The following B4GALT1 variants were observed in gnomAD, a reference collection of about 807,000 sequenced individuals.
B4GALT1 encodes the protein beta-1,4-galactosyltransferase 1, also known as N-acetyllactosamine synthase.
A neutral mutation model predicts 34.9 loss-of-function variants in B4GALT1; 16 were observed. The ratio of observed to expected loss-of-function variants is 0.46; its 90% confidence interval spans 0.31 to 0.70. B4GALT1 has a LOEUF of 0.70. B4GALT1 is among the 30% of genes least tolerant of loss of function. The pLI, the probability that B4GALT1 is intolerant of heterozygous loss-of-function variation, is 0.05. For synonymous variants in B4GALT1, 221 were observed against 218.1 expected (o/e 1.01, Z -0.12); for missense variants, 445 against 530.5 (o/e 0.84, Z 1.58).
At chr9:33,181,157 C>T in the B4GALT1 span, among the ~76,000 whole-genome samples, 5 of 152,152 alleles carry the variant, frequency 3.3e-5, no homozygotes, top group South Asian at 2.1e-4. Context: ...CAATGGCTCA[C>T]GCCTGTAATC....
intron 2 of B4GALT1, 132 bp from the exon 3 acceptor site, chr9:33,120,738 C>G (rs1371180489): frequency 5.8e-6 from 5 of 868,434 alleles, no homozygotes; most frequent in Non-Finnish European, 9.3e-6. Context: ...TGCCGTCACT[C>G]TACAATCAAC....
exon 3 of B4GALT1, chr9:33,104,511 C>T (rs967089196): frequency 3.3e-6 from 1 of 301,344 alleles, no homozygotes; most frequent in African/African-American, 2.2e-5. Context: ...TGCCACAGCC[C>T]AGACTCCTTA....
chr9:33,110,160 C>A (rs1162241856), downstream of B4GALT1, among the ~76,000 whole-genome samples: 2 of 152,238 alleles, frequency 1.3e-5, no homozygotes, highest in Admixed American at 6.5e-5. Context: ...CCAGGGCCAC[C>A]AAGGAGGAGG....
At chr9:33,175,673 TATC>T in the B4GALT1 span, among the ~76,000 whole-genome samples, 1 of 152,228 alleles carries the variant, frequency 6.6e-6, no homozygotes, top group Non-Finnish European at 1.5e-5. Flanking sequence ...GTTATACACT[TATC>T]ATTGTGTTAT....
At chr9:33,165,237 G>C in intron 1 of B4GALT1, among the ~76,000 whole-genome samples, 1 of 151,098 alleles carries the variant, frequency 6.6e-6, no homozygotes, top group Non-Finnish European at 1.5e-5. Flanking sequence ...CAAAGTGCTA[G>C]GATTACAGGC....
At chr9:33,151,885 C>T (rs1323063047) in intron 1 of B4GALT1, among the ~76,000 whole-genome samples, 1 of 152,110 alleles carries the variant, frequency 6.6e-6, no homozygotes, top group African/African-American at 2.4e-5. Flanking sequence ...CTGTCGAAGC[C>T]AAGTTGGTGG....
intron 1 of B4GALT1, among the ~76,000 whole-genome samples, chr9:33,150,955 C>T (rs867624257): frequency 4.9e-4 from 74 of 149,836 alleles, no homozygotes; most frequent in African/African-American, 1.7e-3. Flanking sequence ...TGAAAGGAAG[C>T]TTGATGGCTG....
chr9:33,121,012 TA>T (rs1031900463), intron 2 of B4GALT1, among the ~76,000 whole-genome samples: 1 of 152,254 alleles, frequency 6.6e-6, no homozygotes, highest in Admixed American at 6.5e-5. Context: ...CATTTATTTA[TA>T]CACACTATAA....
chr9:33,180,317 A>G, the B4GALT1 span, among the ~76,000 whole-genome samples: 78 of 152,300 alleles, frequency 5.1e-4, no homozygotes, highest in African/African-American at 1.8e-3. Flanking sequence ...TGAATGCAGC[A>G]TTCCAGCCGG....
In B4GALT1 at chr9:33,157,121, T is replaced by TACACACACACACACACAC. The variant is rs199541947; in HGVS notation, c.412+9619_412+9636dup. Among the ~76,000 whole-genome samples, 397 of 113,248 alleles carry TACACACACACACACACAC rather than the reference T, an allele frequency of 3.5e-3. 19 individuals are homozygous for TACACACACACACACACAC. Among genetic ancestry groups the TACACACACACACACACAC allele is most frequent in the African/African-American group, 0.011 (270 of 24,618 alleles). 74.3% of individuals were successfully genotyped at this position (113,248 alleles called of 152,430 possible). On this transcript the variant is annotated intron_variant, in intron 1 of 5. Transcript: ENST00000379731. ...ACACACGGTGTCCAGCATAGGGAAC[T>TACACACACACACACACAC]ACACACACACACACACACACACACA... is the stretch of plus-strand genomic sequence containing the variant.
intron 1 of B4GALT1, among the ~76,000 whole-genome samples, chr9:33,154,856 A>G (rs1016505124): frequency 1.3e-5 from 2 of 151,926 alleles, no homozygotes; most frequent in Non-Finnish European, 2.9e-5. Context: ...TTTTAACCTC[A>G]TCGGCTATAA....
chr9:33,167,800 A>G (rs1010175995), upstream of B4GALT1, among the ~76,000 whole-genome samples: 68 of 152,280 alleles, frequency 4.5e-4, no homozygotes, highest in African/African-American at 1.4e-3. Context: ...TGGGCTAGGA[A>G]GAGAGGCAGA....
chr9:33,141,529 A>G (rs1840349632), intron 1 of B4GALT1, among the ~76,000 whole-genome samples: 4 of 152,150 alleles, frequency 2.6e-5, no homozygotes, highest in South Asian at 4.1e-4. Context: ...CAACAACAAC[A>G]AAAGGTCTTT....
chr9:33,130,282 T>C lies in B4GALT1; in HGVS notation c.648+4907A>G, dbSNP rs533574172. ...TGACCTGCCCTCCCTTCACCTTGAG[T>C]GAAGTCTCGTTTCCGGGTTTGAGTA... On this transcript the variant is annotated intron_variant, in intron 2 of 5. Transcript: ENST00000379731. Among the ~76,000 whole-genome samples the C allele has an allele frequency of 2.0e-5, 3 of 152,274 alleles. No homozygotes were observed. In the East Asian group the frequency reaches 5.8e-4, roughly 29 times the overall value.
At chr9:33,104,356 A>C (rs1013215) in exon 3 of B4GALT1, 59,858 of 155,356 alleles carry the variant, frequency 0.39, 13,241 homozygotes, top group South Asian at 0.56. Context: ...CCTAGTTTCC[A>C]CCAACAGTCA....
chr9:33,145,231 A>C (rs1009094941), intron 1 of B4GALT1, among the ~76,000 whole-genome samples: 25 of 152,156 alleles, frequency 1.6e-4, no homozygotes, highest in African/African-American at 5.8e-4. Context: ...TTTTAAAATA[A>C]GTTTTCTCCA....
rs2118347899 is a variant in B4GALT1 at position 33,166,767 on chromosome 9, G to A, written c.403C>T (p.Pro135Ser). The A allele has an allele frequency of 6.6e-7, 1 of 1,509,090 alleles. No individual in the cohort carries two copies. Among genetic ancestry groups the A allele is most frequent in the Non-Finnish European group, 8.8e-7 (1 of 1,135,754 alleles). The allele number at this position is 1,509,090 out of a possible 1,614,324, so 93.5% of individuals were successfully genotyped here. A position where few individuals can be genotyped will look rare whatever the true frequency, so the allele number is the denominator to read the frequency against. Residue 135 changes from proline (P) to serine (S), a missense_variant, in exon 1 of 6, where the codon CCG becomes TCG. Physicochemically the swap from Pro to Ser is moderately conservative, Grantham distance 74. Transcript: ENST00000379731. ...LSLPACPEES[P>S]LLVGPMLIEF... ...CGACCCGAGTCCTTACCAAGCAGCG[G>A]GGACTCCTCAGGGCAGGCGGGCAGC... is the stretch of plus-strand genomic sequence containing the variant.
chr9:33,116,223 C>T (rs1178291476), intron 3 of B4GALT1, 110 bp from the exon 4 acceptor site: 24 of 1,350,654 alleles, frequency 1.8e-5, no homozygotes, highest in Non-Finnish European at 2.3e-5. Context: ...CTTTTTGCTT[C>T]TCTAGAGTTT....
downstream of B4GALT1, among the ~76,000 whole-genome samples, chr9:33,110,245 A>G (rs959184721): frequency 1.3e-5 from 2 of 152,222 alleles, no homozygotes; most frequent in Admixed American, 6.5e-5. Flanking sequence ...CTCATTTTGG[A>G]TAATTCCCTT....
Sources: gnomAD v4.1 joint callset for allele counts (sites outside exome capture counted in the v4.1 genomes callset) on GRCh38, gnomAD v4.1.1 for gene constraint, MANE v1.5 for transcripts, NCBI Gene and HGNC (gene_info 2026-07-23, HGNC 2026-07-21) for gene names.